The following NPHS2 variants were observed in gnomAD, a reference collection of about 807,000 sequenced individuals.
The protein encoded by NPHS2 is NPHS2 stomatin family member, podocin.
Under a neutral mutation model 37.1 loss-of-function variants are expected in NPHS2, and 36 were observed. The observed-to-expected ratio is 0.97, with a 90% confidence interval of 0.74 to 1.28. The LOEUF is 1.28. Ranked by LOEUF, NPHS2 falls within the 50% of genes most tolerant of loss-of-function variation. The pLI is 0.00. For synonymous variants in NPHS2, 196 were observed against 189.3 expected (o/e 1.04, Z -0.29); for missense variants, 447 against 488.1 (o/e 0.92, Z 0.79).
rs1010653346 is a variant in NPHS2 at position 179,551,156 on chromosome 1, A to G, written c.*17T>C. 1.2e-5 allele frequency: 19 copies of G among 1,613,504 alleles called. No individual in the cohort carries two copies. Among genetic ancestry groups the G allele is most frequent in the African/African-American group, 6.7e-5 (5 of 74,920 alleles). On this transcript the variant is annotated 3_prime_UTR_variant, in exon 8 of 8. Transcript: ENST00000367615. ...CTATGGCAGGCCCCTTTACAGTCAC[A>G]TTATGCCCCATCCTTCCTATAACAT...
At position 179,559,690 on chromosome 1, in the gene NPHS2, G is replaced by GT. The variant is rs2125786567; in HGVS notation, c.522dup (p.Pro175ThrfsTer4). On this transcript the variant is annotated frameshift_variant, in exon 4 of 8. Transcript: ENST00000367615. LOFTEE classifies it high-confidence loss of function. ...ATCATTTGGCTTACCTCATGAAAAG[G>GT]TATCTCCAGAGTTTGGAGACGAAGG... is the stretch of plus-strand genomic sequence containing the variant. The GT allele has an allele frequency of 6.3e-7, 1 of 1,585,240 alleles. No homozygotes were observed. Among genetic ancestry groups the GT allele is most frequent in the Non-Finnish European group, 8.6e-7 (1 of 1,162,114 alleles).
chr1:179,570,393 G>C (rs1416844797), intron 1 of NPHS2, among the ~76,000 whole-genome samples: 2 of 152,152 alleles, frequency 1.3e-5, no homozygotes, highest in Non-Finnish European at 2.9e-5. Flanking sequence ...TTAACTAAAA[G>C]TATCCCTTAT....
intron 4 of NPHS2, 143 bp from the exon 5 acceptor site, chr1:179,557,373 G>A (rs948472818): frequency 1.5e-6 from 1 of 688,928 alleles, no homozygotes; most frequent in Non-Finnish European, 2.6e-6. Flanking sequence ...AAATAGACAT[G>A]TTTTTGAAAA....
intron 7 of NPHS2, 87 bp from the exon 8 acceptor site, chr1:179,551,538 C>G (rs992964284): frequency 3.2e-5 from 48 of 1,492,112 alleles, no homozygotes; most frequent in Middle Eastern, 2.3e-4. Context: ...CAGACAAGCA[C>G]TGAGCATCTA....
chr1:179,557,963 C>T (rs1272262951), intron 4 of NPHS2, among the ~76,000 whole-genome samples: 1 of 151,946 alleles, frequency 6.6e-6, no homozygotes, highest in Non-Finnish European at 1.5e-5. Context: ...GTAAATATAA[C>T]CACATACACT....
intron 1 of NPHS2, among the ~76,000 whole-genome samples, chr1:179,567,212 C>G (rs1017754905): frequency 2.0e-5 from 3 of 151,972 alleles, no homozygotes; most frequent in African/African-American, 7.3e-5. Flanking sequence ...GGAATGTTCT[C>G]CCATTTGTTT....
At chr1:179,559,800 G>T in intron 3 of NPHS2, 39 bp from the exon 4 acceptor site, 1 of 1,385,342 alleles carries the variant, frequency 7.2e-7, no homozygotes, top group Non-Finnish European at 1.0e-6. Flanking sequence ...TAAATAGCTA[G>T]CATGAAGGCT....
chr1:179,568,200 G>A (rs1270761769), intron 1 of NPHS2, among the ~76,000 whole-genome samples: 2 of 152,086 alleles, frequency 1.3e-5, no homozygotes, highest in African/African-American at 4.8e-5. Flanking sequence ...TTTTTGGTTG[G>A]TAGGCTATTA....
In NPHS2 at chr1:179,552,491, G is replaced by C. The variant is rs190238679; in HGVS notation, c.873+112C>G. 1.8e-5 allele frequency: 15 copies of C among 823,344 alleles called. No individual in the cohort carries two copies. In the East Asian group the frequency reaches 3.7e-4, roughly 20 times the overall value. 51.0% of individuals were successfully genotyped at this position (823,344 alleles called of 1,614,324 possible). A position where few individuals can be genotyped will look rare whatever the true frequency, so the allele number is the denominator to read the frequency against. ...TTTTAATAGAGTTGTAAGGGCCCAA[G>C]ACAGCTTCTGCCCAGTGCCTAATGA... On this transcript the variant is annotated intron_variant, in intron 7 of 7. Transcript: ENST00000367615.
Position 179,554,588 on chromosome 1 carries a change from C to T in NPHS2, c.739-57G>A, listed in dbSNP as rs183290535. 2.9e-5 allele frequency: 46 copies of T among 1,610,728 alleles called. No individual in the cohort carries two copies. The Admixed American group carries it at 3.7e-4, about 13-fold the overall frequency. Reference sequence around the variant, plus strand: ...AGCCTCCAGGTGGGAGGAGAGCATGCCTAAACCCTGGTGGCCATTGTTCTG... The same window carrying T: ...AGCCTCCAGGTGGGAGGAGAGCATGTCTAAACCCTGGTGGCCATTGTTCTG... On this transcript the variant is annotated intron_variant, in intron 5 of 7. Coordinates refer to ENST00000367615, the MANE Select transcript of NPHS2 (RefSeq NM_014625.4).
chr1:179,550,716 T>G lies in NPHS2; in HGVS notation c.*457A>C. Reference sequence around the variant, plus strand: ...GTGGTTGAGGAAAACTAAGACTTGGTAGTATCATTGGAGAGAAGACTGCAT... The same window carrying G: ...GTGGTTGAGGAAAACTAAGACTTGGGAGTATCATTGGAGAGAAGACTGCAT... On this transcript the variant is annotated 3_prime_UTR_variant, in exon 8 of 8. Coordinates refer to ENST00000367615, the MANE Select transcript of NPHS2 (RefSeq NM_014625.4). 9.9e-6 allele frequency: 2 copies of G among 201,204 alleles called. No individual in the cohort carries two copies. The highest frequency in any genetic ancestry group is 1.0e-5 in the Non-Finnish European group (1 of 97,438). The allele number at this position is 201,204 out of a possible 1,614,324, so 12.5% of individuals were successfully genotyped here.
At chr1:179,564,641 C>T (rs1674266745) in intron 2 of NPHS2, 49 bp downstream of exon 2, 2 of 1,444,926 alleles carry the variant, frequency 1.4e-6, no homozygotes, top group African/African-American at 2.8e-5. Flanking sequence ...ATGGTGTGGC[C>T]AGTGAGAGGC....
chr1:179,551,510 C>T, intron 7 of NPHS2, 59 bp from the exon 8 acceptor site: 1 of 1,599,408 alleles, frequency 6.3e-7, no homozygotes, highest in Non-Finnish European at 8.5e-7. Flanking sequence ...GGCTTCACCA[C>T]TATGCAGTAT....
intron 1 of NPHS2, among the ~76,000 whole-genome samples, chr1:179,571,257 GACCTTTT>G (rs1674539830): frequency 1.3e-5 from 2 of 152,188 alleles, no homozygotes; most frequent in African/African-American, 4.8e-5. Flanking sequence ...TGGCATAGAT[GACCTTTT>G]TGTTGATGTT....
intron 1 of NPHS2, among the ~76,000 whole-genome samples, chr1:179,566,285 TTG>T (rs1674332118): frequency 6.6e-6 from 1 of 152,264 alleles, no homozygotes; most frequent in Non-Finnish European, 1.5e-5. Flanking sequence ...TGGTATCTCA[TTG>T]TGGTTTTGAT....
rs994535412 is a variant in NPHS2 at position 179,570,485 on chromosome 1, G to A, written c.274+5106C>T. ...GGAGAATGTCCTTAAGGCACAGATC[G>A]CTCATGCTATTGTTTGTGGCTTAAG... is the stretch of plus-strand genomic sequence containing the variant. On this transcript the variant is annotated intron_variant, in intron 1 of 7. Transcript: ENST00000367615. Among the ~76,000 whole-genome samples the A allele has an allele frequency of 9.2e-5, 14 of 152,348 alleles. 1 individual carries two copies. Among genetic ancestry groups the A allele is most frequent in the African/African-American group, 1.7e-4 (7 of 41,570 alleles).
Position 179,573,591 on chromosome 1 carries a change from A to G in NPHS2, c.274+2000T>C, listed in dbSNP as rs549068082. 3.3e-5 allele frequency among the ~76,000 whole-genome samples: 5 copies of G among 152,376 alleles called. No individual in the cohort carries two copies. The East Asian group carries it at 5.8e-4, about 18-fold the overall frequency. ...TACTCTGGGAAATGCTGCTCTACCAACATATTAATTTTTATAATATTCTCT... is the reference window on the plus strand; with the variant it reads ...TACTCTGGGAAATGCTGCTCTACCAGCATATTAATTTTTATAATATTCTCT... On this transcript the variant is annotated intron_variant, in intron 1 of 7. Transcript: ENST00000367615.
intron 3 of NPHS2, among the ~76,000 whole-genome samples, chr1:179,560,494 A>G (rs1442056846): frequency 6.6e-6 from 1 of 152,110 alleles, no homozygotes; most frequent in Non-Finnish European, 1.5e-5. Flanking sequence ...GGCCAGAACA[A>G]GATGTTCTTT....
intron 2 of NPHS2, among the ~76,000 whole-genome samples, chr1:179,563,735 C>T (rs1572285080): frequency 6.6e-6 from 1 of 151,918 alleles, no homozygotes; most frequent in Non-Finnish European, 1.5e-5. Context: ...GAAGAAATCA[C>T]AAGGAAAATG....
Sources: allele counts gnomAD v4.1 joint callset (sites outside exome capture counted in the v4.1 genomes callset), GRCh38; gene constraint gnomAD v4.1.1; transcripts MANE v1.5; gene names NCBI Gene and HGNC (gene_info 2026-07-23, HGNC 2026-07-21).